ARHGAP10: variants seen among roughly 807,000 people sequenced by gnomAD.
The protein encoded by ARHGAP10 is Rho GTPase activating protein 10.
A neutral mutation model predicts 108.6 loss-of-function variants in ARHGAP10; 87 were observed. The observed-to-expected ratio is 0.80, with a 90% CI of 0.67 to 0.96. ARHGAP10 has a LOEUF of 0.96. Ranked by LOEUF, ARHGAP10 falls within the 40% of genes least tolerant of loss-of-function variation. ARHGAP10 has a pLI of 0.00. For missense variants in ARHGAP10, 939 were observed against 954.5 expected (o/e 0.98, Z 0.21); for synonymous variants, 347 against 341.1 (o/e 1.02, Z -0.19).
chr4:147,989,100 G>T (rs867098270), intron 18 of ARHGAP10, among the ~76,000 whole-genome samples: 26 of 152,230 alleles, frequency 1.7e-4, no homozygotes, highest in Non-Finnish European at 7.3e-5. Flanking sequence ...AAAGCTGGGC[G>T]TCCGGGGGAG....
intron 1 of ARHGAP10, among the ~76,000 whole-genome samples, chr4:147,796,892 C>T (rs932364284): frequency 6.6e-6 from 1 of 152,150 alleles, no homozygotes; most frequent in Non-Finnish European, 1.5e-5. Flanking sequence ...AATGTAAAAA[C>T]CTCGTTCTTG....
chr4:148,063,036 T>G, intron 20 of ARHGAP10, 112 bp from the exon 21 acceptor site: 3 of 1,323,804 alleles, frequency 2.3e-6, no homozygotes, highest in Non-Finnish European at 3.2e-6. Flanking sequence ...TCCCTACTGG[T>G]CAGGCATGAT....
intron 1 of ARHGAP10, among the ~76,000 whole-genome samples, chr4:147,806,729 T>C (rs1377145289): frequency 1.3e-5 from 2 of 152,174 alleles, no homozygotes; most frequent in African/African-American, 4.8e-5. Context: ...TGAGACAAGA[T>C]GTCATTCTGT....
intron 21 of ARHGAP10, 96 bp downstream of exon 21, chr4:148,063,396 C>A: frequency 6.7e-7 from 1 of 1,502,310 alleles, no homozygotes; most frequent in Non-Finnish European, 9.0e-7. Flanking sequence ...CTGGCAAAAG[C>A]TTGCCCAGAT....
intron 3 of ARHGAP10, among the ~76,000 whole-genome samples, chr4:147,823,510 C>T (rs1188967529): frequency 6.6e-6 from 1 of 152,138 alleles, no homozygotes; most frequent in African/African-American, 2.4e-5. Context: ...GAAATTCTAG[C>T]CCTTTAGGAG....
chr4:147,977,908 AG>A (rs1446990128), intron 18 of ARHGAP10, among the ~76,000 whole-genome samples: 3 of 151,916 alleles, frequency 2.0e-5, no homozygotes, highest in African/African-American at 7.3e-5. Context: ...GAAAACATGT[AG>A]TAGTTCGTTT....
intron 19 of ARHGAP10, among the ~76,000 whole-genome samples, chr4:148,033,158 G>A (rs28418775): frequency 0.13 from 20,341 of 151,934 alleles, 2,284 homozygotes; most frequent in African/African-American, 0.31. Context: ...AGTATATCTT[G>A]TGTTGCTTTT....
At chr4:147,852,748 C>T (rs1315418668) in intron 4 of ARHGAP10, among the ~76,000 whole-genome samples, 5 of 140,072 alleles carry the variant, frequency 3.6e-5, no homozygotes, top group South Asian at 2.3e-4. Context: ...AGCGGAGTTT[C>T]GCCCTTGTCA....
intron 13 of ARHGAP10, among the ~76,000 whole-genome samples, chr4:147,918,140 T>A (rs1737067305): frequency 6.7e-6 from 1 of 148,646 alleles, no homozygotes; most frequent in South Asian, 2.1e-4. Flanking sequence ...AAGATTTTTT[T>A]TTTTTTTTTT....
chr4:147,832,158 C>T (rs144317273), intron 3 of ARHGAP10, among the ~76,000 whole-genome samples: 76 of 152,126 alleles, frequency 5.0e-4, no homozygotes, highest in Non-Finnish European at 9.4e-4. Context: ...TTGTCTAATC[C>T]AGAGGAGTGA....
intron 1 of ARHGAP10, among the ~76,000 whole-genome samples, chr4:147,793,164 ATGTGTGTGTGTGTGTGCATATATG>A (rs1731184368): frequency 6.9e-6 from 1 of 144,232 alleles, no homozygotes; most frequent in Non-Finnish European, 1.6e-5. Flanking sequence ...GTGTGTATGT[ATGTGTGTGTGTGTGTGCATATATG>A]TGTGTGTGTG....
At chr4:147,908,586 A>G (rs1736598559) in intron 11 of ARHGAP10, among the ~76,000 whole-genome samples, 1 of 152,232 alleles carries the variant, frequency 6.6e-6, no homozygotes, top group Admixed American at 6.5e-5. Context: ...AAGCCTTGCA[A>G]ATAATTTGCC....
intron 10 of ARHGAP10, among the ~76,000 whole-genome samples, chr4:147,882,591 T>C (rs72957758): frequency 0.022 from 3,382 of 152,280 alleles, 86 homozygotes; most frequent in African/African-American, 0.062. Flanking sequence ...TAGCTACTAA[T>C]ACAGAACAAC....
At chr4:148,001,704 G>A (rs941772556) in intron 18 of ARHGAP10, among the ~76,000 whole-genome samples, 1 of 151,794 alleles carries the variant, frequency 6.6e-6, no homozygotes, top group African/African-American at 2.4e-5. Context: ...TCATGATTTG[G>A]CTCTCTGTTT....
At chr4:147,955,832 G>A (rs1037444049) in intron 16 of ARHGAP10, among the ~76,000 whole-genome samples, 1 of 152,028 alleles carries the variant, frequency 6.6e-6, no homozygotes, top group Admixed American at 6.6e-5. Flanking sequence ...ACAGACAGAA[G>A]GAATATTATG....
chr4:148,037,214 G>A (rs919621021), intron 19 of ARHGAP10, among the ~76,000 whole-genome samples: 1 of 152,276 alleles, frequency 6.6e-6, no homozygotes, highest in African/African-American at 2.4e-5. Flanking sequence ...AGCTGTTCTG[G>A]AAGTCATGCT....
In ARHGAP10 at chr4:147,860,615, A is replaced by G. The variant is rs542137889; in HGVS notation, c.486+2961A>G. Among the ~76,000 whole-genome samples, 20 of 152,326 alleles carry G rather than the reference A, an allele frequency of 1.3e-4. No homozygotes were observed. The South Asian group carries it at 3.7e-3, about 28-fold the overall frequency. The stretch of plus-strand genomic sequence containing the variant: ...CATTCTACTTAATAGTTGTACTGTA[A>G]CAAGTATTGGATATTTGAGAAAATT... On this transcript the variant is annotated intron_variant, in intron 5 of 22. Transcript: ENST00000336498.
intron 1 of ARHGAP10, among the ~76,000 whole-genome samples, chr4:147,741,945 C>T (rs1240336956): frequency 6.6e-6 from 1 of 152,134 alleles, no homozygotes; most frequent in Non-Finnish European, 1.5e-5. Flanking sequence ...AGAATTTCCT[C>T]CCTGTGTTTC....
chr4:147,764,592 G>A (rs912253789), intron 1 of ARHGAP10, among the ~76,000 whole-genome samples: 2 of 152,106 alleles, frequency 1.3e-5, no homozygotes, highest in African/African-American at 4.8e-5. Flanking sequence ...GGAGTGCAGT[G>A]GCGTGATCTC....
Sources: gnomAD v4.1 joint callset for allele counts (sites outside exome capture counted in the v4.1 genomes callset) on GRCh38, gnomAD v4.1.1 for gene constraint, MANE v1.5 for transcripts, NCBI Gene and HGNC (gene_info 2026-07-23, HGNC 2026-07-21) for gene names.